Variants in NCF2 observed in about 807,000 individuals in gnomAD.
The protein encoded by NCF2 is neutrophil cytosolic factor 2.
Under a neutral mutation model 70.9 loss-of-function variants are expected in NCF2, and 45 were observed. That is an observed-to-expected ratio of 0.63 (90% CI 0.50 to 0.81). The LOEUF (loss-of-function observed/expected upper bound fraction) is 0.81. NCF2 is among the 40% of genes least tolerant of loss of function. The pLI is 0.00. For synonymous variants in NCF2, 203 were observed against 233.6 expected (o/e 0.87, Z 1.19); for missense variants, 522 against 631.6 (o/e 0.83, Z 1.86).
At chr1:183,559,490 G>A (rs1487114465) in intron 14 of NCF2, among the ~76,000 whole-genome samples, 3 of 152,224 alleles carry the variant, frequency 2.0e-5, no homozygotes, top group Admixed American at 6.5e-5. Context: ...AAGGCAAAGT[G>A]ATTCCAGCCC....
intron 9 of NCF2, 27 bp downstream of exon 9, chr1:183,566,893 A>G (rs752232468): frequency 1.9e-6 from 3 of 1,613,056 alleles, no homozygotes; most frequent in African/African-American, 2.7e-5. Flanking sequence ...GTGAGAGGAA[A>G]TGGGTCAGGC....
At chr1:183,585,854 A>T (rs1230052181) in intron 2 of NCF2, among the ~76,000 whole-genome samples, 1 of 152,208 alleles carries the variant, frequency 6.6e-6, no homozygotes, top group Admixed American at 6.5e-5. Flanking sequence ...CTTTGTACTA[A>T]TTATTCCATG....
intron 13 of NCF2, 97 bp downstream of exon 13, chr1:183,563,098 A>G (rs1263599456): frequency 1.1e-5 from 12 of 1,082,950 alleles, no homozygotes; most frequent in East Asian, 2.4e-5. Flanking sequence ...AACACCACAT[A>G]TAGTGCCTAG....
intron 8 of NCF2, 96 bp from the exon 9 acceptor site, chr1:183,567,084 G>A (rs1208285590): frequency 1.2e-6 from 2 of 1,605,368 alleles, no homozygotes; most frequent in South Asian, 1.1e-5. Context: ...GGGAAGGGAT[G>A]ACGAACAGAC....
chr1:183,590,691 TC>T, upstream of NCF2: 2 of 343,570 alleles, frequency 5.8e-6, no homozygotes, highest in Non-Finnish European at 1.1e-5. Context: ...CTCTTCTCTC[TC>T]CCACCCCTGT....
chr1:183,586,946 T>A lies in NCF2; in HGVS notation c.206A>T (p.His69Leu), dbSNP rs1448318570. The stretch of plus-strand genomic sequence containing the variant: ...TCGTTGGAAGTAAGCCACTGCCAAG[T>A]GCTTGTCTCGGTTAATGCTTCTGGT... Reference protein sequence around the residue: ...AFTRSINRDKHLAVAYFQRGM... With the variant: ...AFTRSINRDKLLAVAYFQRGM... The change falls in exon 2 of 15, where the codon CAC becomes CTC. Residue 69 changes from histidine to leucine, a missense_variant. Physicochemically the swap from His to Leu is moderately conservative, Grantham distance 99. Coordinates refer to ENST00000367535, the MANE Select transcript of NCF2 (RefSeq NM_000433.4). The A allele has an allele frequency of 1.2e-6, 2 of 1,614,146 alleles. No individual in the cohort carries two copies. Among genetic ancestry groups the A allele is most frequent in the Admixed American group, 3.3e-5 (2 of 60,026 alleles).
Position 183,590,380 on chromosome 1 carries a change from G to A in NCF2, c.-51C>T. 6.2e-7 allele frequency: 1 copy of A among 1,608,814 alleles called. No homozygotes were observed. Among genetic ancestry groups the A allele is most frequent in the Non-Finnish European group, 8.5e-7 (1 of 1,175,716 alleles). On this transcript the variant is annotated 5_prime_UTR_variant, in exon 1 of 15. Coordinates refer to ENST00000367535, the MANE Select transcript of NCF2 (RefSeq NM_000433.4). ...GAGAGCTGCCAGGAGACAGAGAGAA[G>A]ACAGGTTGGAGCGTCTCCCCTAGCA...
intron 7 of NCF2, among the ~76,000 whole-genome samples, chr1:183,568,020 C>T (rs539231015): frequency 1.3e-5 from 2 of 152,220 alleles, no homozygotes; most frequent in South Asian, 4.2e-4. Flanking sequence ...CTTTACTCCC[C>T]ACTCTGTTAC....
intron 11 of NCF2, 173 bp downstream of exon 11, chr1:183,563,832 G>A: frequency 1.2e-6 from 1 of 835,996 alleles, no homozygotes; most frequent in South Asian, 1.4e-5. Context: ...GTGTGTGCAT[G>A]ATAGTGGAGG....
At position 183,561,779 on chromosome 1, in the gene NCF2, C is replaced by CTTTTTT. The variant is rs57218247; in HGVS notation, c.1290+1410_1290+1415dup. Among the ~76,000 whole-genome samples, 51 of 65,160 alleles carry CTTTTTT rather than the reference C, an allele frequency of 7.8e-4. 2 individuals are homozygous for CTTTTTT. The highest frequency in any genetic ancestry group is 1.1e-3 in the Non-Finnish European group (41 of 37,584). The allele number at this position is 65,160 out of a possible 152,430, so 42.7% of individuals were successfully genotyped here. On this transcript the variant is annotated intron_variant, in intron 13 of 14. Coordinates refer to ENST00000367535, the MANE Select transcript of NCF2 (RefSeq NM_000433.4). The stretch of plus-strand genomic sequence containing the variant: ...TTCAGGCATAAACCATACCAGGCCT[C>CTTTTTT]TTTTTTTTTTTTTTTTTTTTTTTTT...
chr1:183,593,286 A>G (rs945500242), upstream of NCF2, among the ~76,000 whole-genome samples: 1 of 152,178 alleles, frequency 6.6e-6, no homozygotes, highest in African/African-American at 2.4e-5. Flanking sequence ...ATCAACTCCC[A>G]GGTGAACATG....
intron 13 of NCF2, among the ~76,000 whole-genome samples, chr1:183,562,235 T>A (rs886609891): frequency 1.3e-5 from 2 of 152,118 alleles, no homozygotes; most frequent in African/African-American, 4.8e-5. Context: ...GAAAAAATTT[T>A]AATTAAAAAA....
intron 9 of NCF2, among the ~76,000 whole-genome samples, chr1:183,566,159 T>C (rs904412108): frequency 1.3e-5 from 2 of 152,230 alleles, no homozygotes; most frequent in African/African-American, 4.8e-5. Context: ...TTTGAAGCTT[T>C]TCAAAGCATT....
the NCF2 span, among the ~76,000 whole-genome samples, chr1:183,600,591 C>T: frequency 6.6e-6 from 1 of 152,158 alleles, no homozygotes; most frequent in Non-Finnish European, 1.5e-5. Flanking sequence ...AAGACATTGT[C>T]TAGAAAGTCT....
At chr1:183,566,596 C>T (rs1258601825) in intron 9 of NCF2, among the ~76,000 whole-genome samples, 1 of 152,192 alleles carries the variant, frequency 6.6e-6, no homozygotes, top group Non-Finnish European at 1.5e-5. Flanking sequence ...TACTCTTCCA[C>T]GTGAAGCAGA....
In NCF2 at chr1:183,566,995, T is replaced by G. The variant is rs1672330468; in HGVS notation, c.856-7A>C. 6.2e-7 allele frequency: 1 copy of G among 1,614,114 alleles called. No individual in the cohort carries two copies. Among genetic ancestry groups the G allele is most frequent in the Non-Finnish European group, 8.5e-7 (1 of 1,180,012 alleles). On this transcript the variant is annotated splice_region_variant and splice_polypyrimidine_tract_variant and intron_variant, in intron 8 of 14. Coordinates refer to ENST00000367535, the MANE Select transcript of NCF2 (RefSeq NM_000433.4). ...TGCAGGGAACAAGCCCCTTCTGCAG[T>G]GCAGCACCACAGAATCAGAAAGGAA...
intron 4 of NCF2, 93 bp downstream of exon 4, chr1:183,574,394 G>T: frequency 6.4e-7 from 1 of 1,568,012 alleles, no homozygotes; most frequent in Non-Finnish European, 8.8e-7. Context: ...GAAAGTAAAA[G>T]CACCACTTTT....
chr1:183,600,751 C>T, the NCF2 span, among the ~76,000 whole-genome samples: 3 of 152,044 alleles, frequency 2.0e-5, no homozygotes, highest in Admixed American at 2.0e-4. Flanking sequence ...TGGCCTTCAT[C>T]AGCAGATCAT....
At chr1:183,570,742 G>A (rs369158396) in intron 6 of NCF2, 38 bp downstream of exon 6, 30 of 1,604,310 alleles carry the variant, frequency 1.9e-5, no homozygotes, top group Non-Finnish European at 2.3e-5. Context: ...GAAAGCTCTC[G>A]AGACCTAGGT....
Sources: allele counts gnomAD v4.1 joint callset (sites outside exome capture counted in the v4.1 genomes callset), GRCh38; gene constraint gnomAD v4.1.1; transcripts MANE v1.5; gene names NCBI Gene and HGNC (gene_info 2026-07-23, HGNC 2026-07-21).